Variants in RAB6A observed in about 807,000 individuals in gnomAD.
RAB6A encodes the protein RAB6A, member RAS oncogene family.
A neutral mutation model predicts 32.3 loss-of-function variants in RAB6A; 8 were observed. The observed-to-expected ratio is 0.25, with a 90% confidence interval of 0.15 to 0.45. RAB6A has a LOEUF of 0.45. RAB6A is among the 20% of genes least tolerant of loss of function. RAB6A has a pLI of 1.00. For synonymous variants in RAB6A, 73 were observed against 82.1 expected (o/e 0.89, Z 0.60); for missense variants, 104 against 249.4 (o/e 0.42, Z 3.93).
chr11:73,699,006 C>A (rs1590838519), intron 6 of RAB6A, among the ~76,000 whole-genome samples: 1 of 152,134 alleles, frequency 6.6e-6, no homozygotes, highest in Non-Finnish European at 1.5e-5. Flanking sequence ...CGCCCGCCAC[C>A]ACACCCAGCT....
At chr11:73,748,483 G>A (rs1946625924) in intron 1 of RAB6A, among the ~76,000 whole-genome samples, 1 of 152,172 alleles carries the variant, frequency 6.6e-6, no homozygotes, top group Non-Finnish European at 1.5e-5. Flanking sequence ...CTGGAATCCA[G>A]CCTAGGTGAC....
chr11:73,754,836 C>T (rs929919627), intron 1 of RAB6A, among the ~76,000 whole-genome samples: 5 of 151,512 alleles, frequency 3.3e-5, no homozygotes, highest in East Asian at 1.9e-4. Flanking sequence ...ATGAGAATCG[C>T]GAACCCGGGA....
intron 3 of RAB6A, among the ~76,000 whole-genome samples, chr11:73,719,379 C>T (rs1300320983): frequency 6.6e-6 from 1 of 152,198 alleles, no homozygotes; most frequent in Non-Finnish European, 1.5e-5. Context: ...ACTTTCAAAC[C>T]TGTTTTTTAA....
intron 1 of RAB6A, among the ~76,000 whole-genome samples, chr11:73,751,650 C>G (rs71479544): frequency 0.019 from 2,890 of 152,212 alleles, 38 homozygotes; most frequent in Middle Eastern, 0.037. Flanking sequence ...GAAAGAAAAA[C>G]GGGGTTTCTG....
At chr11:73,738,688 G>C in intron 1 of RAB6A, among the ~76,000 whole-genome samples, 1 of 151,728 alleles carries the variant, frequency 6.6e-6, no homozygotes, top group East Asian at 1.9e-4. Context: ...TTGAGGCCAG[G>C]AGCGGTCGCA....
chr11:73,733,574 A>T (rs796643344), intron 1 of RAB6A, among the ~76,000 whole-genome samples: 20 of 140,100 alleles, frequency 1.4e-4, no homozygotes, highest in African/African-American at 4.5e-4. Context: ...TAAATAAATA[A>T]AAATAAATAA....
At chr11:73,737,043 C>A (rs926888694) in intron 1 of RAB6A, among the ~76,000 whole-genome samples, 6 of 147,838 alleles carry the variant, frequency 4.1e-5, no homozygotes, top group Non-Finnish European at 9.0e-5. Context: ...CAAGTCTCAA[C>A]AAATTTCAAA....
intron 6 of RAB6A, among the ~76,000 whole-genome samples, chr11:73,685,473 G>C (rs921021770): frequency 6.6e-6 from 1 of 151,062 alleles, no homozygotes; most frequent in African/African-American, 2.4e-5. Context: ...AATTTTAGTA[G>C]AGACGGTGTT....
At chr11:73,759,723 T>C (rs1565385091) in intron 1 of RAB6A, among the ~76,000 whole-genome samples, 2 of 152,096 alleles carry the variant, frequency 1.3e-5, no homozygotes, top group Admixed American at 6.5e-5. Flanking sequence ...CTGCTTCATG[T>C]TGAAAAGAGA....
chr11:73,739,304 T>TATATATATATATATATATATATATATAA (rs375733945), intron 1 of RAB6A, among the ~76,000 whole-genome samples: 39 of 31,796 alleles, frequency 1.2e-3, no homozygotes, highest in East Asian at 2.8e-3. Flanking sequence ...TATATATATA[T>TATATATATATATATATATATATATATAA]AAATACTGGA....
chr11:73,759,962 C>T lies in RAB6A; in HGVS notation c.70+604G>A, dbSNP rs929777308. The T allele has an allele frequency of 4.2e-6, 5 of 1,200,796 alleles. No homozygotes were observed. The African/African-American group carries it at 6.2e-5, about 15-fold the overall frequency. 74.4% of individuals were successfully genotyped at this position (1,200,796 alleles called of 1,614,324 possible). ...AACCACCCCATGCTCAAGTCGTCTC[C>T]AATTCAGATGTTTCCTCTATGGCCC... On this transcript the variant is annotated intron_variant, in intron 1 of 7. Transcript: ENST00000336083.
At chr11:73,704,264 T>A (rs530604491) in intron 6 of RAB6A, 219 of 364,660 alleles carry the variant, frequency 6.0e-4, no homozygotes, top group Admixed American at 1.1e-3. Context: ...GTGCCTGTAG[T>A]CCCAGCTATT....
chr11:73,730,725 CAA>C lies in RAB6A; in HGVS notation c.129+38_129+39del, dbSNP rs200375128. The C allele has an allele frequency of 3.4e-3, 5,057 of 1,495,406 alleles. 139 individuals are homozygous for C. The African/African-American group carries it at 0.06, about 18-fold the overall frequency. The allele number at this position is 1,495,406 out of a possible 1,614,324, so 92.6% of individuals were successfully genotyped here. A position where few individuals can be genotyped will look rare whatever the true frequency, so the allele number is the denominator to read the frequency against. Reference sequence around the variant, plus strand: ...AAAATATCTTGAATATTACTTGTAACAAAAAATAGACAACAAATAAATTGGCA... The same window carrying C: ...AAAATATCTTGAATATTACTTGTAACAAAATAGACAACAAATAAATTGGCA... On this transcript the variant is annotated intron_variant, in intron 2 of 7. Transcript: ENST00000336083.
At chr11:73,756,935 A>C (rs1344657395) in intron 1 of RAB6A, among the ~76,000 whole-genome samples, 4 of 151,724 alleles carry the variant, frequency 2.6e-5, no homozygotes, top group Admixed American at 2.6e-4. Flanking sequence ...CGGACTCCTA[A>C]AGTGCTGGGA....
At chr11:73,699,764 G>A (rs998257389) in intron 6 of RAB6A, among the ~76,000 whole-genome samples, 3 of 152,058 alleles carry the variant, frequency 2.0e-5, no homozygotes, top group Non-Finnish European at 4.4e-5. Context: ...GTGGTCTAGC[G>A]TGCCACACTT....
chr11:73,685,800 G>T (rs1274140805), intron 6 of RAB6A, among the ~76,000 whole-genome samples: 1 of 146,644 alleles, frequency 6.8e-6, no homozygotes, highest in Non-Finnish European at 1.5e-5. Context: ...CAGGAGAATC[G>T]CTTGAACCGG....
intron 6 of RAB6A, among the ~76,000 whole-genome samples, chr11:73,696,459 T>C (rs980581507): frequency 3.3e-5 from 5 of 152,056 alleles, no homozygotes; most frequent in Admixed American, 6.6e-5. Flanking sequence ...CTCCCCAAGG[T>C]GTAGGGATTA....
chr11:73,760,009 GA>G, intron 1 of RAB6A: 1 of 1,286,388 alleles, frequency 7.8e-7, no homozygotes, highest in Non-Finnish European at 1.0e-6. Flanking sequence ...CCACCCAGGT[GA>G]AAATCATTTA....
intron 1 of RAB6A, among the ~76,000 whole-genome samples, chr11:73,745,640 G>T (rs1276802707): frequency 6.6e-6 from 1 of 152,052 alleles, no homozygotes; most frequent in East Asian, 1.9e-4. Context: ...AGACCAGGCT[G>T]GCCAACATGG....
Sources: allele counts gnomAD v4.1 joint callset (sites outside exome capture counted in the v4.1 genomes callset), GRCh38; gene constraint gnomAD v4.1.1; transcripts MANE v1.5; gene names NCBI Gene and HGNC (gene_info 2026-07-23, HGNC 2026-07-21).